GLRA3: variants seen among roughly 807,000 people sequenced by gnomAD.
GLRA3 encodes glycine receptor alpha 3.
In GLRA3, 44 loss-of-function variants were observed where a neutral mutation model predicts 60.4. The observed-to-expected ratio is 0.73, with a 90% CI of 0.57 to 0.94. The LOEUF (loss-of-function observed/expected upper bound fraction) is 0.94, where lower values mean the gene tolerates loss of function less well. Ranked by LOEUF, GLRA3 falls within the 40% of genes least tolerant of loss-of-function variation. GLRA3 has a pLI of 0.00. For synonymous variants in GLRA3, 223 were observed against 192.9 expected (o/e 1.16, Z -1.29); for missense variants, 508 against 564.6 (o/e 0.90, Z 1.02).
intron 5 of GLRA3, among the ~76,000 whole-genome samples, chr4:174,698,216 G>C (rs186605185): frequency 6.6e-6 from 1 of 151,986 alleles, no homozygotes; most frequent in Admixed American, 6.6e-5. Flanking sequence ...TTTAGAGATA[G>C]GGTCTCACTC....
intron 2 of GLRA3, among the ~76,000 whole-genome samples, chr4:174,781,997 G>T (rs555261378): frequency 0.086 from 12,775 of 149,206 alleles, 593 homozygotes; most frequent in Non-Finnish European, 0.097. Flanking sequence ...TACCAAAGCC[G>T]GGCAGAGACA....
chr4:174,649,299 C>T (rs1210720980), intron 9 of GLRA3, among the ~76,000 whole-genome samples: 1 of 152,052 alleles, frequency 6.6e-6, no homozygotes, highest in African/African-American at 2.4e-5. Flanking sequence ...AAAGGATCAG[C>T]TATAGTAGCA....
In GLRA3 at chr4:174,642,745, A is replaced by G; in HGVS notation, c.*1041T>C. On this transcript the variant is annotated 3_prime_UTR_variant, in exon 10 of 10. Transcript: ENST00000274093. ...TAAAATTAAAACTTTCCCTACTTAT[A>G]TTTGGAGATAGGAGTTGAGACCCAT... 3 of 733,396 alleles carry G rather than the reference A, an allele frequency of 4.1e-6. No homozygotes were observed. The highest frequency in any genetic ancestry group is 5.0e-6 in the Non-Finnish European group (3 of 600,546). The allele number at this position is 733,396 out of a possible 1,614,324, so 45.4% of individuals were successfully genotyped here.
At chr4:174,708,991 T>C (rs1735615114) in intron 5 of GLRA3, among the ~76,000 whole-genome samples, 1 of 152,048 alleles carries the variant, frequency 6.6e-6, no homozygotes, top group Admixed American at 6.6e-5. Context: ...TTGTACCTCT[T>C]TCTCTTCTAT....
At chr4:174,800,695 C>A (rs530618902) in intron 1 of GLRA3, among the ~76,000 whole-genome samples, 1 of 152,186 alleles carries the variant, frequency 6.6e-6, no homozygotes, top group African/African-American at 2.4e-5. Flanking sequence ...CACATACGCA[C>A]AATGTCTAAT....
intron 4 of GLRA3, among the ~76,000 whole-genome samples, chr4:174,718,317 A>T (rs1406932655): frequency 6.6e-6 from 1 of 152,180 alleles, no homozygotes; most frequent in Non-Finnish European, 1.5e-5. Context: ...ATCACATTCT[A>T]CTGTTTTGGA....
At chr4:174,667,557 T>C (rs746167768) in intron 7 of GLRA3, among the ~76,000 whole-genome samples, 4 of 152,104 alleles carry the variant, frequency 2.6e-5, no homozygotes, top group African/African-American at 4.8e-5. Context: ...CCAAATTCAG[T>C]AATATGAATT....
At chr4:174,735,004 G>A (rs1030882056) in intron 3 of GLRA3, among the ~76,000 whole-genome samples, 1 of 152,132 alleles carries the variant, frequency 6.6e-6, no homozygotes, top group Non-Finnish European at 1.5e-5. Context: ...AGTAATTTTT[G>A]TTGCTCTTGG....
At chr4:174,821,405 C>T (rs1740734700) in intron 1 of GLRA3, among the ~76,000 whole-genome samples, 1 of 151,730 alleles carries the variant, frequency 6.6e-6, no homozygotes, top group African/African-American at 2.4e-5. Context: ...ATGTCATGAC[C>T]CAAAATTGTA....
intron 3 of GLRA3, among the ~76,000 whole-genome samples, chr4:174,760,478 GT>G (rs1228840233): frequency 6.6e-6 from 1 of 152,130 alleles, no homozygotes; most frequent in African/African-American, 2.4e-5. Context: ...AATATACCCT[GT>G]AGAATAGCTT....
intron 7 of GLRA3, among the ~76,000 whole-genome samples, chr4:174,676,359 G>GCCAA (rs200745151): frequency 0.065 from 9,932 of 152,038 alleles, 389 homozygotes; most frequent in South Asian, 0.12. Context: ...TGGGCTCAGG[G>GCCAA]TGCAGCACTA....
intron 1 of GLRA3, among the ~76,000 whole-genome samples, chr4:174,793,650 C>T (rs1305674556): frequency 6.6e-6 from 1 of 151,860 alleles, no homozygotes; most frequent in Non-Finnish European, 1.5e-5. Flanking sequence ...CCTTGGCCTG[C>T]CAAAGCACTG....
chr4:174,656,668 G>T, intron 9 of GLRA3, 75 bp downstream of exon 9: 1 of 776,486 alleles, frequency 1.3e-6, no homozygotes, highest in Non-Finnish European at 2.3e-6. Context: ...ACACTGCCTT[G>T]GTAGTGCAGA....
intron 3 of GLRA3, among the ~76,000 whole-genome samples, chr4:174,744,804 T>C (rs1737173318): frequency 6.6e-6 from 1 of 151,930 alleles, no homozygotes; most frequent in Admixed American, 6.6e-5. Context: ...AGATCCCAAC[T>C]GCAAAGAAAT....
intron 5 of GLRA3, chr4:174,713,824 T>C (rs1735809430): frequency 6.6e-6 from 1 of 152,228 alleles, no homozygotes; most frequent in African/African-American, 2.4e-5. Flanking sequence ...CCACTCTGTA[T>C]ATGGCTTTTA....
chr4:174,811,273 A>G (rs536597624), intron 1 of GLRA3, among the ~76,000 whole-genome samples: 2 of 152,018 alleles, frequency 1.3e-5, no homozygotes, highest in East Asian at 3.9e-4. Flanking sequence ...AAACTTAATA[A>G]AAACGTTCAG....
intron 7 of GLRA3, among the ~76,000 whole-genome samples, chr4:174,675,136 G>A (rs1019225369): frequency 1.3e-5 from 2 of 152,120 alleles, no homozygotes; most frequent in African/African-American, 4.8e-5. Flanking sequence ...TTGTGGGTCA[G>A]AGTCACACCT....
chr4:174,710,201 T>C (rs531603521), intron 5 of GLRA3, among the ~76,000 whole-genome samples: 1 of 152,168 alleles, frequency 6.6e-6, no homozygotes, highest in East Asian at 1.9e-4. Context: ...GATTTTCATG[T>C]CTGCATGCTT....
chr4:174,700,582 G>T (rs528083026), intron 5 of GLRA3, among the ~76,000 whole-genome samples: 3 of 152,126 alleles, frequency 2.0e-5, no homozygotes, highest in Non-Finnish European at 2.9e-5. Flanking sequence ...AGCTAGAAAT[G>T]GTTAAGCTTA....
Sources: gnomAD v4.1 joint callset for allele counts (sites outside exome capture counted in the v4.1 genomes callset) on GRCh38, gnomAD v4.1.1 for gene constraint, MANE v1.5 for transcripts, NCBI Gene and HGNC (gene_info 2026-07-23, HGNC 2026-07-21) for gene names.